Variants in ANO3 observed in about 807,000 individuals in gnomAD.
ANO3 encodes anoctamin 3.
ANO3 carries 99 observed loss-of-function variants against 144.8 expected under a neutral mutation model. The observed-to-expected ratio is 0.68, with a 90% CI of 0.58 to 0.81. The LOEUF is 0.81. ANO3 is among the 30% of genes least tolerant of loss of function. The probability of loss-of-function intolerance (pLI) is 0.00; values close to 1 mark genes in which losing one functional copy is unlikely to be tolerated. For synonymous variants in ANO3, 414 were observed against 392.6 expected (o/e 1.05, Z -0.64); for missense variants, 905 against 1,202.2 (o/e 0.75, Z 3.66).
chr11:26,299,864 G>A (rs1854184796), intron 1 of ANO3, among the ~76,000 whole-genome samples: 2 of 152,324 alleles, frequency 1.3e-5, no homozygotes, highest in South Asian at 4.1e-4. Flanking sequence ...TTGCCAATAA[G>A]TGGGTGGGAG....
At chr11:26,204,437 C>T (rs1024459904) in intron 1 of ANO3, among the ~76,000 whole-genome samples, 4 of 152,076 alleles carry the variant, frequency 2.6e-5, no homozygotes, top group Non-Finnish European at 4.4e-5. Context: ...TCTGTCCTTC[C>T]AAACTTTCAA....
intron 1 of ANO3, among the ~76,000 whole-genome samples, chr11:26,310,051 T>C (rs940042163): frequency 6.6e-6 from 1 of 152,136 alleles, no homozygotes; most frequent in Non-Finnish European, 1.5e-5. Flanking sequence ...AATAAATTAA[T>C]CAGCAAAAGG....
chr11:26,492,162 T>C (rs1163006919), intron 4 of ANO3, among the ~76,000 whole-genome samples: 1 of 152,242 alleles, frequency 6.6e-6, no homozygotes, highest in Non-Finnish European at 1.5e-5. Flanking sequence ...TAAAATTAGA[T>C]TCTCTTTGAA....
intron 1 of ANO3, among the ~76,000 whole-genome samples, chr11:26,435,458 T>G (rs1483320090): frequency 6.6e-6 from 1 of 152,232 alleles, no homozygotes; most frequent in Non-Finnish European, 1.5e-5. Context: ...ACTATTGGTC[T>G]CTCTAGCAAG....
intron 7 of ANO3, among the ~76,000 whole-genome samples, 184 bp downstream of exon 7, chr11:26,525,863 G>C (rs1289292425): frequency 6.6e-6 from 1 of 151,986 alleles, no homozygotes; most frequent in Admixed American, 6.6e-5. Flanking sequence ...TAATCTTTTT[G>C]TTACAATTTA....
intron 22 of ANO3, among the ~76,000 whole-genome samples, 197 bp downstream of exon 22, chr11:26,642,226 A>G (rs1288893284): frequency 1.3e-5 from 2 of 152,166 alleles, no homozygotes; most frequent in South Asian, 2.1e-4. Context: ...TCTGAGAGTC[A>G]TGCATTGACC....
chr11:26,442,972 G>T (rs1181069146), intron 2 of ANO3, among the ~76,000 whole-genome samples: 1 of 152,028 alleles, frequency 6.6e-6, no homozygotes, highest in Admixed American at 6.5e-5. Flanking sequence ...CATCATGTTT[G>T]TCAGGTTGGT....
intron 1 of ANO3, among the ~76,000 whole-genome samples, chr11:26,260,352 C>T (rs1360859531): frequency 2.0e-5 from 3 of 152,094 alleles, no homozygotes; most frequent in Non-Finnish European, 4.4e-5. Context: ...TCACAGCATG[C>T]CTGTGAAGTA....
chr11:26,318,539 A>G (rs1854681607), intron 1 of ANO3, among the ~76,000 whole-genome samples: 1 of 152,232 alleles, frequency 6.6e-6, no homozygotes. Flanking sequence ...GTAGGGAGAC[A>G]CGACTGACAG....
At chr11:26,305,264 T>A (rs1215581962), upstream of ANO3, among the ~76,000 whole-genome samples, 2 of 152,116 alleles carry the variant, frequency 1.3e-5, no homozygotes, top group African/African-American at 4.8e-5. Context: ...CAATCTGGTT[T>A]AGATGTCTTT....
At chr11:26,493,040 T>A (rs1162507388) in intron 4 of ANO3, among the ~76,000 whole-genome samples, 1 of 152,194 alleles carries the variant, frequency 6.6e-6, no homozygotes, top group Non-Finnish European at 1.5e-5. Flanking sequence ...ATTTTCTTGT[T>A]CAAGTTGGAG....
intron 24 of ANO3, among the ~76,000 whole-genome samples, chr11:26,652,075 G>A (rs1016435306): frequency 2.6e-5 from 4 of 152,144 alleles, no homozygotes; most frequent in Middle Eastern, 3.4e-3. Context: ...ACTTTGTTAC[G>A]GAATTGCAGA....
intron 14 of ANO3, chr11:26,561,126 T>A (rs1007486785): frequency 6.2e-7 from 1 of 1,612,962 alleles, no homozygotes; most frequent in Non-Finnish European, 8.5e-7. Context: ...TGCATTTTCT[T>A]CACTTTCTGG....
intron 1 of ANO3, among the ~76,000 whole-genome samples, chr11:26,404,160 C>G (rs1565004911): frequency 6.6e-6 from 1 of 151,908 alleles, no homozygotes; most frequent in East Asian, 1.9e-4. Context: ...AGGATGAGCA[C>G]AGTGTCTATC....
chr11:26,328,034 C>T (rs1367422888), upstream of ANO3, among the ~76,000 whole-genome samples: 2 of 152,156 alleles, frequency 1.3e-5, no homozygotes, highest in African/African-American at 2.4e-5. Flanking sequence ...ATGCCATGTG[C>T]TCCAAGCACT....
chr11:26,472,715 T>A (rs559896169), intron 4 of ANO3, among the ~76,000 whole-genome samples: 1 of 152,014 alleles, frequency 6.6e-6, no homozygotes, highest in South Asian at 2.1e-4. Context: ...CTGTGCTTAG[T>A]TAGATCCTGA....
intron 14 of ANO3, 67 bp downstream of exon 14, chr11:26,559,846 A>C: frequency 1.2e-6 from 1 of 807,884 alleles, no homozygotes. Flanking sequence ...ACACACACAC[A>C]CACACACACA....
chr11:26,309,687 G>C, exon 1 of ANO3: 1 of 985,400 alleles, frequency 1.0e-6, no homozygotes, highest in Non-Finnish European at 1.2e-6. Flanking sequence ...CTTGAGAAGA[G>C]TGTGTGGGCT....
chr11:26,275,022 A>T (rs183223434), intron 1 of ANO3, among the ~76,000 whole-genome samples: 2 of 151,962 alleles, frequency 1.3e-5, no homozygotes, highest in Non-Finnish European at 2.9e-5. Flanking sequence ...TTACCTCAAA[A>T]TGCTATAATT....
Sources: allele counts gnomAD v4.1 joint callset (sites outside exome capture counted in the v4.1 genomes callset), GRCh38; gene constraint gnomAD v4.1.1; transcripts MANE v1.5; gene names NCBI Gene and HGNC (gene_info 2026-07-23, HGNC 2026-07-21).